The following GRB14 variants were observed in gnomAD, a reference collection of about 807,000 sequenced individuals.
GRB14 encodes the protein growth factor receptor bound protein 14, also known as growth factor receptor-bound protein 14.
A neutral mutation model predicts 69.1 loss-of-function variants in GRB14; 38 were observed. That is an observed-to-expected ratio of 0.55 (90% CI 0.42 to 0.72). The LOEUF (loss-of-function observed/expected upper bound fraction) is 0.72, where lower values mean the gene tolerates loss of function less well. Ranked by LOEUF, GRB14 falls within the 30% of genes least tolerant of loss-of-function variation. The pLI, the probability that GRB14 is intolerant of heterozygous loss-of-function variation, is 0.00. For missense variants in GRB14, 666 were observed against 666.1 expected, an observed-to-expected ratio of 1.00 and a Z score of 0.00; for synonymous variants, 247 against 241.3, an observed-to-expected ratio of 1.02 and a Z score of -0.22.
chr2:164,537,859 G>A (rs1161972836), intron 3 of GRB14, among the ~76,000 whole-genome samples: 1 of 152,164 alleles, frequency 6.6e-6, no homozygotes, highest in Non-Finnish European at 1.5e-5. Context: ...GAAGCACAGT[G>A]CCACATGTCC....
At chr2:164,611,612 T>C (rs1468045170) in intron 2 of GRB14, among the ~76,000 whole-genome samples, 1 of 151,050 alleles carries the variant, frequency 6.6e-6, no homozygotes, top group Non-Finnish European at 1.5e-5. Flanking sequence ...CTCGTATCCT[T>C]ATTTCTAAGT....
In GRB14 at chr2:164,613,991, C is replaced by T. The variant is rs192504721; in HGVS notation, c.324+5696G>A. ...AAAAAATCAAATTCCTATAACCTCC[C>T]CCAGAACATTCCTATTCAGTGGGTT... is the stretch of plus-strand genomic sequence containing the variant. On this transcript the variant is annotated intron_variant, in intron 2 of 13. Transcript: ENST00000263915. Among the ~76,000 whole-genome samples, 24 of 152,250 alleles carry T rather than the reference C, an allele frequency of 1.6e-4. No homozygotes were observed. In the East Asian group the frequency reaches 4.2e-3, roughly 27 times the overall value.
At chr2:164,617,065 TA>T (rs1690315458) in intron 2 of GRB14, among the ~76,000 whole-genome samples, 1 of 152,036 alleles carries the variant, frequency 6.6e-6, no homozygotes, top group Admixed American at 6.6e-5. Context: ...ATAAAGAAAC[TA>T]AAGCAAAAGG....
chr2:164,598,375 T>C (rs1227901040), intron 2 of GRB14, among the ~76,000 whole-genome samples: 1 of 152,218 alleles, frequency 6.6e-6, no homozygotes, highest in Non-Finnish European at 1.5e-5. Context: ...TACCACAGAA[T>C]TTTTGGCATA....
chr2:164,578,560 A>G (rs1339464444), intron 2 of GRB14, among the ~76,000 whole-genome samples: 1 of 140,242 alleles, frequency 7.1e-6, no homozygotes, highest in African/African-American at 2.5e-5. Context: ...ACAATATACC[A>G]CTGGACATAA....
At chr2:164,516,798 T>A (rs916759115) in intron 6 of GRB14, among the ~76,000 whole-genome samples, 3 of 152,230 alleles carry the variant, frequency 2.0e-5, no homozygotes, top group Middle Eastern at 6.8e-3. Context: ...CCGAGGTGGG[T>A]GGATCACTTG....
chr2:164,548,654 C>T (rs1360515797), intron 2 of GRB14, among the ~76,000 whole-genome samples: 3 of 152,048 alleles, frequency 2.0e-5, no homozygotes, highest in Non-Finnish European at 2.9e-5. Flanking sequence ...TCAGAATGAC[C>T]GTATCAATCC....
intron 2 of GRB14, among the ~76,000 whole-genome samples, chr2:164,613,641 G>A (rs1417325231): frequency 6.6e-6 from 1 of 152,196 alleles, no homozygotes; most frequent in Non-Finnish European, 1.5e-5. Flanking sequence ...GTTTGTGGGA[G>A]AACAAAAGAG....
At chr2:164,611,637 C>T (rs1690169336) in intron 2 of GRB14, among the ~76,000 whole-genome samples, 1 of 150,948 alleles carries the variant, frequency 6.6e-6, no homozygotes, top group Admixed American at 6.7e-5. Context: ...ATGCTTGGTC[C>T]TGTACTTTAA....
intron 2 of GRB14, among the ~76,000 whole-genome samples, chr2:164,562,489 A>G (rs980131486): frequency 6.6e-6 from 1 of 152,194 alleles, no homozygotes; most frequent in Admixed American, 6.5e-5. Context: ...TCTATGAAGA[A>G]AAACCACTTT....
chr2:164,578,758 T>C (rs1294509335), intron 2 of GRB14, among the ~76,000 whole-genome samples: 2 of 152,170 alleles, frequency 1.3e-5, no homozygotes, highest in African/African-American at 4.8e-5. Context: ...GGAAGGAAAT[T>C]TGGCAGCACC....
At chr2:164,576,804 T>C (rs1259633161) in intron 2 of GRB14, among the ~76,000 whole-genome samples, 1 of 142,180 alleles carries the variant, frequency 7.0e-6, no homozygotes, top group Admixed American at 7.1e-5. Context: ...CTAATAAATA[T>C]AAAAGTAGAA....
intron 2 of GRB14, among the ~76,000 whole-genome samples, chr2:164,592,869 A>G (rs1308375244): frequency 1.3e-5 from 2 of 152,116 alleles, no homozygotes; most frequent in Non-Finnish European, 2.9e-5. Context: ...GCTTTTCTCA[A>G]AGCATTTCAA....
chr2:164,580,341 C>T (rs1689370242), intron 2 of GRB14, among the ~76,000 whole-genome samples: 3 of 151,366 alleles, frequency 2.0e-5, no homozygotes, highest in African/African-American at 4.8e-5. Flanking sequence ...GATTTGCCTG[C>T]CTCAGCTTCC....
chr2:164,505,067 C>T (rs1687154580), intron 8 of GRB14, among the ~76,000 whole-genome samples: 1 of 152,188 alleles, frequency 6.6e-6, no homozygotes, highest in Admixed American at 6.5e-5. Context: ...CTGCCAACAC[C>T]TTGACTTAAT....
At chr2:164,523,159 C>T (rs1463155351) in intron 5 of GRB14, among the ~76,000 whole-genome samples, 1 of 152,046 alleles carries the variant, frequency 6.6e-6, no homozygotes, top group Non-Finnish European at 1.5e-5. Context: ...CCTTCAATCC[C>T]CAGCACTGAG....
intron 13 of GRB14, among the ~76,000 whole-genome samples, chr2:164,494,131 G>A (rs1372296941): frequency 6.6e-6 from 1 of 152,196 alleles, no homozygotes; most frequent in African/African-American, 2.4e-5. Flanking sequence ...GAATTCAGGA[G>A]AAAGAAGCTT....
In GRB14 at chr2:164,533,334, G is replaced by A. The variant is rs550604144; in HGVS notation, c.482-6199C>T. Among the ~76,000 whole-genome samples the A allele has an allele frequency of 3.6e-5, 5 of 137,380 alleles. No homozygotes were observed. The South Asian group carries it at 9.9e-4, about 27-fold the overall frequency. The allele number at this position is 137,380 out of a possible 152,430, so 90.1% of individuals were successfully genotyped here. ...TGCAAGCTCCGCCTCCCGGGTTCAC[G>A]CCATTCTCCTGCCTCAGCCTCCCGA... On this transcript the variant is annotated intron_variant, in intron 3 of 13. Coordinates refer to ENST00000263915, the MANE Select transcript of GRB14 (RefSeq NM_004490.3).
intron 3 of GRB14, among the ~76,000 whole-genome samples, chr2:164,544,216 A>G (rs1441740733): frequency 6.6e-6 from 1 of 152,228 alleles, no homozygotes; most frequent in African/African-American, 2.4e-5. Flanking sequence ...GTTTAAATTT[A>G]GTATGTGGAT....
Sources: gnomAD v4.1 joint callset for allele counts (sites outside exome capture counted in the v4.1 genomes callset) on GRCh38, gnomAD v4.1.1 for gene constraint, MANE v1.5 for transcripts, NCBI Gene and HGNC (gene_info 2026-07-23, HGNC 2026-07-21) for gene names.